RNLS: variants seen among roughly 807,000 people sequenced by gnomAD.
RNLS encodes the protein renalase, FAD dependent amine oxidase.
Under a neutral mutation model 39.8 loss-of-function variants are expected in RNLS, and 39 were observed. That is an observed-to-expected ratio of 0.98 (90% CI 0.76 to 1.28). The LOEUF is 1.28. RNLS is among the 50% of genes most tolerant of loss of function. RNLS has a pLI of 0.00. For missense variants in RNLS, 410 were observed against 413.3 expected, an observed-to-expected ratio of 0.99 and a Z score of 0.07; for synonymous variants, 147 against 150.7, an observed-to-expected ratio of 0.98 and a Z score of 0.18.
At chr10:88,532,368 T>C (rs1403975858) in intron 4 of RNLS, among the ~76,000 whole-genome samples, 1 of 152,050 alleles carries the variant, frequency 6.6e-6, no homozygotes, top group Non-Finnish European at 1.5e-5. Flanking sequence ...TGATAAGGAA[T>C]GCAAATACTT....
chr10:88,205,390 A>G, the RNLS span, among the ~76,000 whole-genome samples: 37 of 152,300 alleles, frequency 2.4e-4, no homozygotes, highest in African/African-American at 8.2e-4. Flanking sequence ...TGTGAACGAC[A>G]CAGAGGACAC....
chr10:88,194,658 C>T, the RNLS span, among the ~76,000 whole-genome samples: 6 of 152,300 alleles, frequency 3.9e-5, no homozygotes, highest in East Asian at 5.8e-4. Flanking sequence ...TTGTAAACCA[C>T]ATCTTCTGGA....
chr10:88,547,199 T>C (rs887246062), intron 4 of RNLS, among the ~76,000 whole-genome samples: 11 of 152,210 alleles, frequency 7.2e-5, no homozygotes, highest in African/African-American at 2.7e-4. Context: ...TACTTTTAAG[T>C]TATTTTCCCT....
At chr10:88,249,752 T>C in the RNLS span, among the ~76,000 whole-genome samples, 1 of 152,186 alleles carries the variant, frequency 6.6e-6, no homozygotes, top group African/African-American at 2.4e-5. Context: ...GCCCCAAATG[T>C]GTGTGTGCCA....
At chr10:88,455,135 T>C (rs1028493878) in intron 4 of RNLS, among the ~76,000 whole-genome samples, 1 of 152,138 alleles carries the variant, frequency 6.6e-6, no homozygotes. Flanking sequence ...TAGTATGTAC[T>C]AAGTACTATG....
intron 6 of RNLS, chr10:88,309,314 A>C: frequency 1.0e-6 from 1 of 969,886 alleles, no homozygotes; most frequent in Non-Finnish European, 1.4e-6. Flanking sequence ...AATGCATGGG[A>C]AAAAGCAAGA....
At chr10:88,277,267 T>C (rs557148611) in intron 6 of RNLS, among the ~76,000 whole-genome samples, 2 of 152,092 alleles carry the variant, frequency 1.3e-5, no homozygotes, top group South Asian at 2.1e-4. Flanking sequence ...TAGGTGGGAA[T>C]TGAACAATAA....
chr10:88,570,989 G>GTT lies in RNLS; in HGVS notation c.526+1912_526+1913dup, dbSNP rs144516764. On this transcript the variant is annotated intron_variant, in intron 4 of 6. Coordinates refer to ENST00000331772, the MANE Select transcript of RNLS (RefSeq NM_001031709.3). ...TTTTTTTTTTTTTTTTTTTTGGTTT[G>GTT]TTTTTTTTTTTTGACACAAGGTCTT... is the stretch of plus-strand genomic sequence containing the variant. Among the ~76,000 whole-genome samples, 103 of 126,554 alleles carry GTT rather than the reference G, an allele frequency of 8.1e-4. 1 individual carries two copies. Among genetic ancestry groups the GTT allele is most frequent in the Middle Eastern group, 4.0e-3 (1 of 250 alleles). The allele number at this position is 126,554 out of a possible 152,430, so 83.0% of individuals were successfully genotyped here. A position where few individuals can be genotyped will look rare whatever the true frequency, so the allele number is the denominator to read the frequency against.
chr10:88,580,616 C>A (rs1657668044), intron 3 of RNLS, among the ~76,000 whole-genome samples: 2 of 151,918 alleles, frequency 1.3e-5, no homozygotes, highest in Admixed American at 1.3e-4. Context: ...TTAAAAGGTC[C>A]ATTTTCAAAA....
the RNLS span, among the ~76,000 whole-genome samples, chr10:88,259,772 T>C: frequency 6.6e-6 from 1 of 152,158 alleles, no homozygotes; most frequent in Non-Finnish European, 1.5e-5. Context: ...TGAGACCAAG[T>C]CTCGCTCTGT....
intron 6 of RNLS, among the ~76,000 whole-genome samples, chr10:88,286,424 C>T (rs1162729070): frequency 6.6e-6 from 1 of 151,958 alleles, no homozygotes; most frequent in African/African-American, 2.4e-5. Context: ...TGGATGATGG[C>T]TAATAAGCAT....
chr10:88,224,804 G>A, the RNLS span, among the ~76,000 whole-genome samples: 5 of 152,136 alleles, frequency 3.3e-5, no homozygotes, highest in South Asian at 2.1e-4. Flanking sequence ...TAATTCAAAT[G>A]ATAACACAAA....
At chr10:88,380,893 A>C (rs1337180904) in intron 4 of RNLS, among the ~76,000 whole-genome samples, 2 of 152,196 alleles carry the variant, frequency 1.3e-5, no homozygotes, top group Admixed American at 1.3e-4. Flanking sequence ...ATTTATTTAA[A>C]TCATCCATTC....
At chr10:88,272,945 AATCC>A (rs1331802947), downstream of RNLS, among the ~76,000 whole-genome samples, 1 of 152,172 alleles carries the variant, frequency 6.6e-6, no homozygotes, top group Non-Finnish European at 1.5e-5. Context: ...CTGGAGTTTC[AATCC>A]AGGTAGATAG....
chr10:88,432,905 G>T (rs1197702602), intron 4 of RNLS, among the ~76,000 whole-genome samples: 1 of 151,948 alleles, frequency 6.6e-6, no homozygotes, highest in Non-Finnish European at 1.5e-5. Context: ...GCTGAAGTGA[G>T]ATTTTTTTCA....
At chr10:88,547,326 G>A (rs1482183872) in intron 4 of RNLS, among the ~76,000 whole-genome samples, 1 of 152,186 alleles carries the variant, frequency 6.6e-6, no homozygotes, top group Non-Finnish European at 1.5e-5. Flanking sequence ...CCTGGCACAT[G>A]CATGTTAGCC....
At chr10:88,452,426 T>C (rs1420893665) in intron 4 of RNLS, among the ~76,000 whole-genome samples, 1 of 152,212 alleles carries the variant, frequency 6.6e-6, no homozygotes, top group African/African-American at 2.4e-5. Flanking sequence ...GTCTGTTGAA[T>C]GTACAGTTTG....
At chr10:88,495,713 G>A (rs1845134093) in intron 4 of RNLS, among the ~76,000 whole-genome samples, 1 of 152,074 alleles carries the variant, frequency 6.6e-6, no homozygotes, top group South Asian at 2.1e-4. Context: ...AGTGGGGCAG[G>A]GATGGGATGA....
intron 4 of RNLS, among the ~76,000 whole-genome samples, chr10:88,521,538 G>C (rs1481055003): frequency 2.0e-5 from 3 of 152,024 alleles, no homozygotes; most frequent in Non-Finnish European, 4.4e-5. Flanking sequence ...AACAGAATAA[G>C]AGGGCAACAG....
Sources: gnomAD v4.1 joint callset for allele counts (sites outside exome capture counted in the v4.1 genomes callset) on GRCh38, gnomAD v4.1.1 for gene constraint, MANE v1.5 for transcripts, NCBI Gene and HGNC (gene_info 2026-07-23, HGNC 2026-07-21) for gene names.